SAAL1: variants seen among roughly 807,000 people sequenced by gnomAD.
SAAL1 encodes serum amyloid A like 1.
SAAL1 carries 42 observed loss-of-function variants against 59.8 expected under a neutral mutation model. That is an observed-to-expected ratio of 0.70 (90% confidence interval 0.55 to 0.91). SAAL1 has a LOEUF of 0.91. SAAL1 is among the 40% of genes least tolerant of loss of function. The pLI is 0.00. For synonymous variants in SAAL1, 191 were observed against 194.3 expected, an observed-to-expected ratio of 0.98 and a Z score of 0.14; for missense variants, 542 against 561.1, an observed-to-expected ratio of 0.97 and a Z score of 0.34.
chr11:18,087,706 T>C (rs1848481365), intron 7 of SAAL1, among the ~76,000 whole-genome samples: 1 of 152,224 alleles, frequency 6.6e-6, no homozygotes, highest in African/African-American at 2.4e-5. Context: ...GATCAACCGT[T>C]TGGATTCTCA....
intron 2 of SAAL1, among the ~76,000 whole-genome samples, chr11:18,098,595 C>G (rs1848601287): frequency 6.6e-6 from 1 of 152,222 alleles, no homozygotes; most frequent in Non-Finnish European, 1.5e-5. Context: ...TGGAACATCT[C>G]AAAGAGACAG....
intron 3 of SAAL1, among the ~76,000 whole-genome samples, chr11:18,096,353 G>A (rs530918550): frequency 6.2e-4 from 94 of 152,196 alleles, no homozygotes; most frequent in African/African-American, 2.2e-3. Context: ...GCCAAGGTGG[G>A]AGGATCACTT....
intron 1 of SAAL1, 115 bp downstream of exon 1, chr11:18,105,792 T>C: frequency 1.5e-6 from 2 of 1,316,516 alleles, no homozygotes; most frequent in Non-Finnish European, 2.0e-6. Context: ...AGCGCACGCC[T>C]GGGGAGGGGT....
chr11:18,081,586 A>G, intron 10 of SAAL1, 83 bp from the exon 11 acceptor site: 1 of 1,016,052 alleles, frequency 9.8e-7, no homozygotes, highest in Non-Finnish European at 1.6e-6. Flanking sequence ...CAGGATATTC[A>G]ATTCCCTCCT....
In SAAL1 at chr11:18,106,019, G is replaced by A. The variant is rs761316997; in HGVS notation, c.23C>T (p.Pro8Leu). Reference sequence around the variant, plus strand: ...CTCCTCCTTGTCGCGACCCGGCGGCGGCGGCGAGGGGTTGCGGTCCATGAC... The same window carrying A: ...CTCCTCCTTGTCGCGACCCGGCGGCAGCGGCGAGGGGTTGCGGTCCATGAC... MDRNPSPPPPGRDKEEEE... is the reference protein window; with the variant it reads MDRNPSPLPPGRDKEEEE... The change falls in exon 1 of 12, where the codon CCG becomes CTG. Residue 8 changes from proline (P) to leucine (L), a missense_variant. Physicochemically the swap from Pro to Leu is moderately conservative, Grantham distance 98. Coordinates refer to ENST00000524803, the MANE Select transcript of SAAL1 (RefSeq NM_138421.3). 6 of 1,608,384 alleles carry A rather than the reference G, an allele frequency of 3.7e-6. No homozygotes were observed. The East Asian group carries it at 1.3e-4, about 36-fold the overall frequency.
intron 9 of SAAL1, among the ~76,000 whole-genome samples, chr11:18,085,976 G>A (rs991060466): frequency 2.0e-5 from 3 of 152,178 alleles, no homozygotes; most frequent in African/African-American, 7.2e-5. Flanking sequence ...ACAATTCTGT[G>A]AAAGAATATG....
At chr11:18,095,976 G>A (rs1452354154) in intron 3 of SAAL1, among the ~76,000 whole-genome samples, 1 of 152,174 alleles carries the variant, frequency 6.6e-6, no homozygotes, top group Non-Finnish European at 1.5e-5. Flanking sequence ...AATCAGAAGG[G>A]TTACCTGGCT....
chr11:18,093,573 C>T (rs1051489712), intron 3 of SAAL1, among the ~76,000 whole-genome samples: 2 of 152,134 alleles, frequency 1.3e-5, no homozygotes, highest in African/African-American at 2.4e-5. Context: ...TTACCACTCA[C>T]GGTGGCCAGG....
chr11:18,094,633 GA>G (rs1848554118), intron 3 of SAAL1, among the ~76,000 whole-genome samples: 1 of 152,066 alleles, frequency 6.6e-6, no homozygotes, highest in South Asian at 2.1e-4. Flanking sequence ...CTACACCTTA[GA>G]AAAAGTCCAT....
chr11:18,082,064 C>A (rs896104966), intron 10 of SAAL1, among the ~76,000 whole-genome samples: 5 of 152,030 alleles, frequency 3.3e-5, no homozygotes, highest in Admixed American at 2.0e-4. Flanking sequence ...AGTCTAAATC[C>A]CCTAAATATG....
At position 18,096,908 on chromosome 11, in the gene SAAL1, TA is replaced by T. The variant is rs1371504543; in HGVS notation, c.250-55del. The T allele has an allele frequency of 9.7e-6, 9 of 926,526 alleles. No homozygotes were observed. In the African/African-American group the frequency reaches 1.3e-4, roughly 14 times the overall value. 57.4% of individuals were successfully genotyped at this position (926,526 alleles called of 1,614,324 possible). On this transcript the variant is annotated intron_variant, in intron 2 of 11. Coordinates refer to ENST00000524803, the MANE Select transcript of SAAL1 (RefSeq NM_138421.3). ...ATGTTGAATATTCCTCCCTAAACCC[TA>T]AAGCTCAGGCAACCATAAAATTCTA...
Position 18,103,315 on chromosome 11 carries a change from G to A in SAAL1, c.167C>T (p.Ser56Leu). ...IVSPENTKSSSDDEEQLTELD... is the reference protein window; with the variant it reads ...IVSPENTKSSLDDEEQLTELD... ...CTCCGTCAGCTGCTCCTCATCATCT[G>A]AGCTAGATTTGGTGTTTTCAGGGCT... is the stretch of plus-strand genomic sequence containing the variant. Residue 56 changes from serine to leucine, a missense_variant, in exon 2 of 12, where the codon TCA (serine) becomes TTA (leucine). Coordinates refer to ENST00000524803, the MANE Select transcript of SAAL1 (RefSeq NM_138421.3). The A allele has an allele frequency of 1.9e-6, 3 of 1,613,834 alleles. No homozygotes were observed. The highest frequency in any genetic ancestry group is 2.7e-5 in the African/African-American group (2 of 75,014).
intron 1 of SAAL1, among the ~76,000 whole-genome samples, chr11:18,104,458 T>A (rs1188833587): frequency 6.7e-6 from 1 of 150,162 alleles, no homozygotes. Flanking sequence ...TTTTTTTAAC[T>A]TTTAGGATCT....
chr11:18,099,725 T>C (rs1308620209), intron 2 of SAAL1, among the ~76,000 whole-genome samples: 44 of 53,340 alleles, frequency 8.2e-4, no homozygotes, highest in Admixed American at 5.8e-3. Context: ...GGAGGTGACA[T>C]TGAAGCCGGG....
chr11:18,081,259 T>C, intron 11 of SAAL1, 152 bp downstream of exon 11: 1 of 571,300 alleles, frequency 1.8e-6, no homozygotes, highest in Non-Finnish European at 3.1e-6. Flanking sequence ...TGGTTTTCTG[T>C]TTCCAGCAGT....
chr11:18,089,193 G>A, intron 7 of SAAL1, 137 bp downstream of exon 7: 1 of 676,850 alleles, frequency 1.5e-6, no homozygotes, highest in Non-Finnish European at 2.3e-6. Flanking sequence ...ATCACAAATA[G>A]TAGTAGTGAA....
chr11:18,087,836 C>T (rs1405391543), intron 7 of SAAL1, among the ~76,000 whole-genome samples: 2 of 152,156 alleles, frequency 1.3e-5, no homozygotes, highest in African/African-American at 4.8e-5. Flanking sequence ...AAATTTCAGG[C>T]ACTATGTTAG....
intron 2 of SAAL1, 68 bp downstream of exon 2, chr11:18,103,165 G>C (rs754670380): frequency 9.2e-7 from 1 of 1,083,712 alleles, no homozygotes; most frequent in Non-Finnish European, 1.4e-6. Flanking sequence ...GGACTGAACC[G>C]TTTTTAAAAC....
At chr11:18,087,510 A>G (rs553992959) in intron 7 of SAAL1, among the ~76,000 whole-genome samples, 98 of 152,374 alleles carry the variant, frequency 6.4e-4, no homozygotes, top group African/African-American at 2.3e-3. Context: ...GCAGAAACCT[A>G]CCAGTTGATA....
Sources: allele counts gnomAD v4.1 joint callset (sites outside exome capture counted in the v4.1 genomes callset), GRCh38; gene constraint gnomAD v4.1.1; transcripts MANE v1.5; gene names NCBI Gene and HGNC (gene_info 2026-07-23, HGNC 2026-07-21).